The following TRAF3IP1 variants were observed in gnomAD, a reference collection of about 807,000 sequenced individuals.
The protein encoded by TRAF3IP1 is TRAF3-interacting protein 1.
TRAF3IP1 carries 53 observed loss-of-function variants against 89.9 expected under a neutral mutation model. The ratio of observed to expected loss-of-function variants is 0.59; its 90% CI spans 0.47 to 0.74. The LOEUF (loss-of-function observed/expected upper bound fraction) is 0.74, where lower values mean the gene tolerates loss of function less well. Ranked by LOEUF, TRAF3IP1 falls within the 30% of genes least tolerant of loss-of-function variation. TRAF3IP1 has a pLI of 0.00. For synonymous variants in TRAF3IP1, 311 were observed against 322.1 expected, an observed-to-expected ratio of 0.97 and a Z score of 0.37; for missense variants, 806 against 866.1, an observed-to-expected ratio of 0.93 and a Z score of 0.87.
intron 15 of TRAF3IP1, among the ~76,000 whole-genome samples, chr2:238,376,333 C>T (rs1012491097): frequency 5.3e-5 from 8 of 152,122 alleles, no homozygotes; most frequent in South Asian, 2.1e-4. Flanking sequence ...GGTGGTGGGC[C>T]GGTCCACAGG....
At chr2:238,389,129 AG>A (rs1559395687) in intron 15 of TRAF3IP1, among the ~76,000 whole-genome samples, 1 of 152,140 alleles carries the variant, frequency 6.6e-6, no homozygotes, top group East Asian at 1.9e-4. Context: ...AGTCACATCC[AG>A]CAGCGGGGCA....
rs1477913447 is a variant in TRAF3IP1, at chr2:238,350,265, C to G, written c.1451+857C>G. Among the ~76,000 whole-genome samples the G allele has an allele frequency of 2.6e-5, 4 of 152,076 alleles. No individual in the cohort carries two copies. The East Asian group carries it at 7.7e-4, about 29-fold the overall frequency. Reference sequence around the variant, plus strand: ...GGTGTCAAGGGGAGTTATTATTTTTCTAATGACGGGAATGATCCAGTGGAA... The same window carrying G: ...GGTGTCAAGGGGAGTTATTATTTTTGTAATGACGGGAATGATCCAGTGGAA... On this transcript the variant is annotated intron_variant, in intron 12 of 16. Transcript: ENST00000373327.
intron 1 of TRAF3IP1, among the ~76,000 whole-genome samples, chr2:238,324,614 T>C (rs561769414): frequency 1.3e-5 from 2 of 152,184 alleles, no homozygotes; most frequent in East Asian, 3.9e-4. Flanking sequence ...TTTCTTTTTT[T>C]CTTTTTTTTG....
intron 15 of TRAF3IP1, among the ~76,000 whole-genome samples, chr2:238,366,810 T>C (rs1699894895): frequency 1.3e-5 from 2 of 152,024 alleles, no homozygotes; most frequent in African/African-American, 2.4e-5. Context: ...TGTTTAAATA[T>C]ACTCACTGTG....
chr2:238,329,002 G>A lies in TRAF3IP1; in HGVS notation c.575G>A (p.Arg192His), dbSNP rs1039895833. 6.4e-6 allele frequency: 10 copies of A among 1,551,470 alleles called. No individual in the cohort carries two copies. The East Asian group carries it at 7.3e-5, about 11-fold the overall frequency. Residue 192 changes from arginine to histidine, a missense_variant, in exon 5 of 17, where the codon CGC becomes CAC. Coordinates refer to ENST00000373327, the MANE Select transcript of TRAF3IP1 (RefSeq NM_015650.4). ...CAGAAGGAAGAATTGAAAGAAGACC[G>A]CAAGCCAAGAGAAAAGGACAAGGAC... ...RKQKEELKED[R>H]KPREKDKDKE...
Position 238,329,128 on chromosome 2 carries a change from G to A in TRAF3IP1, c.701G>A (p.Arg234Lys). The part of the protein sequence containing the change: ...ARPDNERQKD[R>K]GNRERDRDSE... The stretch of plus-strand genomic sequence containing the variant: ...CCAGACAACGAGCGACAGAAAGACA[G>A]AGGCAACAGGGAGCGGGACAGAGAC... The change falls in exon 5 of 17, where the codon AGA (arginine) becomes AAA (lysine). Residue 234 changes from arginine (R) to lysine (K), a missense_variant. By Grantham distance (26) the Arg-to-Lys change is conservative. Coordinates refer to ENST00000373327, the MANE Select transcript of TRAF3IP1 (RefSeq NM_015650.4). 1 of 1,551,462 alleles carries A rather than the reference G, an allele frequency of 6.4e-7. No individual in the cohort carries two copies. Among genetic ancestry groups the A allele is most frequent in the Non-Finnish European group, 8.7e-7 (1 of 1,147,522 alleles).
intron 1 of TRAF3IP1, among the ~76,000 whole-genome samples, chr2:238,324,879 G>C (rs907947029): frequency 1.3e-5 from 2 of 152,214 alleles, no homozygotes; most frequent in Admixed American, 6.5e-5. Flanking sequence ...TGGGATTACA[G>C]GTGTGAGCCA....
intron 15 of TRAF3IP1, among the ~76,000 whole-genome samples, chr2:238,377,027 A>G (rs147725162): frequency 5.3e-5 from 8 of 152,228 alleles, no homozygotes; most frequent in Non-Finnish European, 1.2e-4. Context: ...AGCCCAGGCA[A>G]TCGCACCCAG....
At chr2:238,373,982 A>G (rs919258982) in intron 15 of TRAF3IP1, among the ~76,000 whole-genome samples, 3 of 152,216 alleles carry the variant, frequency 2.0e-5, no homozygotes, top group Non-Finnish European at 2.9e-5. Context: ...TTGATTTTGT[A>G]TCCTGAGACT....
intron 15 of TRAF3IP1, among the ~76,000 whole-genome samples, chr2:238,390,556 C>T (rs1700951764): frequency 6.6e-6 from 1 of 152,134 alleles, no homozygotes; most frequent in Non-Finnish European, 1.5e-5. Context: ...AACAAGTTGA[C>T]AGGAGGTAAA....
At chr2:238,356,928 G>A (rs184380899) in intron 15 of TRAF3IP1, among the ~76,000 whole-genome samples, 6 of 152,086 alleles carry the variant, frequency 3.9e-5, no homozygotes, top group Admixed American at 6.5e-5. Flanking sequence ...ACAGGTGCTC[G>A]ACACTGCTCC....
chr2:238,380,119 C>T (rs1412613174), intron 15 of TRAF3IP1, among the ~76,000 whole-genome samples: 1 of 152,206 alleles, frequency 6.6e-6, no homozygotes, highest in African/African-American at 2.4e-5. Context: ...CGTATTAGAA[C>T]CATTCAGAGA....
At chr2:238,321,205 G>A (rs1697522708) in intron 1 of TRAF3IP1, among the ~76,000 whole-genome samples, 1 of 152,194 alleles carries the variant, frequency 6.6e-6, no homozygotes, top group African/African-American at 2.4e-5. Flanking sequence ...CTTCTTCCCT[G>A]CCTGCCCTTG....
rs540680810 is a variant in TRAF3IP1 at position 238,366,337 on chromosome 2, A to G, written c.1689+10257A>G. ...CAAAAATGATTTGGAAGCCATTAAA[A>G]TATTACATGTATATGAACTTTATAA... On this transcript the variant is annotated intron_variant, in intron 15 of 16. Transcript: ENST00000373327. Among the ~76,000 whole-genome samples the G allele has an allele frequency of 2.4e-3, 372 of 152,362 alleles. 6 individuals carry two copies. The highest frequency in any genetic ancestry group is 6.8e-3 in the Middle Eastern group (2 of 294).
intron 15 of TRAF3IP1, among the ~76,000 whole-genome samples, chr2:238,377,473 G>A (rs1700369732): frequency 2.0e-5 from 3 of 151,842 alleles, no homozygotes; most frequent in Admixed American, 2.0e-4. Flanking sequence ...TTTCTGGGTC[G>A]ATTGAGATGA....
chr2:238,348,292 A>G (rs561834382), intron 10 of TRAF3IP1, among the ~76,000 whole-genome samples: 9 of 152,286 alleles, frequency 5.9e-5, no homozygotes, highest in African/African-American at 1.9e-4. Context: ...GTATATATAT[A>G]TATGCATATG....
chr2:238,320,612 C>T lies in TRAF3IP1; in HGVS notation c.-51C>T. 3.3e-6 allele frequency: 4 copies of T among 1,209,604 alleles called. No homozygotes were observed. Among genetic ancestry groups the T allele is most frequent in the Non-Finnish European group, 4.2e-6 (4 of 960,184 alleles). The allele number at this position is 1,209,604 out of a possible 1,614,324, so 74.9% of individuals were successfully genotyped here. On this transcript the variant is annotated 5_prime_UTR_variant, in exon 1 of 17. Transcript: ENST00000373327. ...GCGGCCAGGGACCCGGGCTTAGGCT[C>T]GGCCAGGCCGGCTGAGGGGCGCGGG...
intron 15 of TRAF3IP1, among the ~76,000 whole-genome samples, chr2:238,368,338 A>T (rs760702309): frequency 6.6e-6 from 1 of 152,234 alleles, no homozygotes; most frequent in Non-Finnish European, 1.5e-5. Context: ...CTTGGCATTA[A>T]AATGCTTCGA....
Position 238,325,938 on chromosome 2 carries a change from C to T in TRAF3IP1, c.322C>T (p.Leu108Phe). 1 of 1,613,448 alleles carries T rather than the reference C, an allele frequency of 6.2e-7. No individual in the cohort carries two copies. The highest frequency in any genetic ancestry group is 8.5e-7 in the Non-Finnish European group (1 of 1,179,832). ...GHEPERTNEL[L>F]QIIGKCCLNK... ...TGAGCCTGAAAGAACAAACGAGCTG[C>T]TCCAGATAATTGGAAAATGCTGTCT... The change falls in exon 3 of 17, where the codon CTC (leucine) becomes TTC (phenylalanine). Residue 108 changes from leucine to phenylalanine, a missense_variant. By Grantham distance (22) the Leu-to-Phe change is conservative. This residue lies in a region of TRAF3IP1 where 732 missense variants were observed against 780.5 expected (regional missense o/e 0.94). Transcript: ENST00000373327.
Sources: gnomAD v4.1 joint callset for allele counts (sites outside exome capture counted in the v4.1 genomes callset) on GRCh38, gnomAD v4.1.1 for gene constraint, gnomAD v4.1.1 regional missense constraint, MANE v1.5 for transcripts, NCBI Gene and HGNC (gene_info 2026-07-23, HGNC 2026-07-21) for gene names.